The following LAMA2 variants were observed in gnomAD, a reference collection of about 807,000 sequenced individuals.
LAMA2 encodes laminin subunit alpha 2.
Under a neutral mutation model 364.8 loss-of-function variants are expected in LAMA2, and 269 were observed. The ratio of observed to expected loss-of-function variants is 0.74; its 90% CI spans 0.67 to 0.82. LAMA2 has a LOEUF of 0.82. Among genes scored for constraint, LAMA2 ranks in the 40% least tolerant of loss-of-function variants. The probability of loss-of-function intolerance (pLI) is 0.00; values close to 1 mark genes in which losing one functional copy is unlikely to be tolerated. For missense variants in LAMA2, 3,807 were observed against 3,873.2 expected, an observed-to-expected ratio of 0.98 and a Z score of 0.45; for synonymous variants, 1,379 against 1,370.6, an observed-to-expected ratio of 1.01 and a Z score of -0.14.
chr6:129,119,977 C>A (rs1329045696), intron 4 of LAMA2, among the ~76,000 whole-genome samples: 1 of 152,070 alleles, frequency 6.6e-6, no homozygotes, highest in East Asian at 1.9e-4. Flanking sequence ...CTAGTTATAC[C>A]CATGATATGA....
At chr6:129,296,952 G>A (rs945550756) in intron 20 of LAMA2, among the ~76,000 whole-genome samples, 6 of 152,208 alleles carry the variant, frequency 3.9e-5, no homozygotes, top group African/African-American at 9.6e-5. Flanking sequence ...AAACTTGACC[G>A]TAAAAGATGA....
At chr6:129,034,452 G>GT (rs1208978876) in intron 1 of LAMA2, among the ~76,000 whole-genome samples, 21 of 151,152 alleles carry the variant, frequency 1.4e-4, no homozygotes, top group African/African-American at 2.2e-4. Context: ...TATCATGACA[G>GT]TTTTTTTTTC....
rs775825512 is a variant in LAMA2, at chr6:129,440,913, C to A, written c.6183C>A (p.Asn2061Lys). The stretch of plus-strand genomic sequence containing the variant: ...CACAGATTACAGAGCTCCACCAGAA[C>A]CTCGATGGCCTGAAGAAGAATTACA... Reference protein sequence around the residue: ...VLAQITELHQNLDGLKKNYNK... With the variant: ...VLAQITELHQKLDGLKKNYNK... The change falls in exon 43 of 65, where the codon AAC (asparagine) becomes AAA (lysine). Residue 2061 changes from asparagine (N) to lysine (K), a missense_variant. Asn to Lys is a moderately conservative substitution (Grantham distance 94). Transcript: ENST00000421865. 19 of 1,613,952 alleles carry A rather than the reference C, an allele frequency of 1.2e-5. No homozygotes were observed. The highest frequency in any genetic ancestry group is 1.6e-5 in the Non-Finnish European group (19 of 1,179,884).
intron 22 of LAMA2, among the ~76,000 whole-genome samples, chr6:129,308,310 G>A (rs1774004093): frequency 1.3e-5 from 2 of 152,106 alleles, no homozygotes; most frequent in South Asian, 4.1e-4. Flanking sequence ...TCAAATCCAA[G>A]CATCCACCAT....
intron 1 of LAMA2, among the ~76,000 whole-genome samples, chr6:128,913,683 C>G (rs1163887933): frequency 6.6e-6 from 1 of 152,096 alleles, no homozygotes; most frequent in African/African-American, 2.4e-5. Flanking sequence ...GCAATCAGAG[C>G]TAAGCTTTCA....
intron 3 of LAMA2, among the ~76,000 whole-genome samples, chr6:129,074,349 T>C (rs1422370161): frequency 6.6e-6 from 1 of 152,232 alleles, no homozygotes; most frequent in Non-Finnish European, 1.5e-5. Context: ...GTCCCTCACA[T>C]CCTAGCTGAC....
chr6:129,116,891 G>A (rs960424167), intron 4 of LAMA2, among the ~76,000 whole-genome samples: 6 of 151,974 alleles, frequency 3.9e-5, no homozygotes, highest in Admixed American at 3.9e-4. Flanking sequence ...ACCACTGCAT[G>A]TTAAAGAAGT....
intron 34 of LAMA2, among the ~76,000 whole-genome samples, chr6:129,372,144 C>T (rs1778124598): frequency 6.6e-6 from 1 of 152,182 alleles, no homozygotes; most frequent in South Asian, 2.1e-4. Flanking sequence ...CCTAAGTTGA[C>T]ACCTCCTCAT....
chr6:129,382,401 A>G (rs945695359), intron 34 of LAMA2, among the ~76,000 whole-genome samples: 54 of 152,206 alleles, frequency 3.5e-4, no homozygotes, highest in African/African-American at 1.3e-3. Flanking sequence ...AGTGTGTCAA[A>G]TGATATTTTA....
intron 37 of LAMA2, among the ~76,000 whole-genome samples, chr6:129,396,794 G>A (rs1353651269): frequency 6.6e-6 from 1 of 151,974 alleles, no homozygotes; most frequent in African/African-American, 2.4e-5. Flanking sequence ...TGAGCAACAT[G>A]GTGACACCCT....
chr6:129,247,189 C>T (rs547211003), intron 12 of LAMA2, among the ~76,000 whole-genome samples: 18 of 152,256 alleles, frequency 1.2e-4, no homozygotes, highest in Admixed American at 3.3e-4. Context: ...GTGGCTCACA[C>T]CTGTAATCCC....
intron 5 of LAMA2, among the ~76,000 whole-genome samples, chr6:129,146,204 G>A (rs1214695343): frequency 2.6e-5 from 4 of 151,638 alleles, no homozygotes; most frequent in South Asian, 4.2e-4. Context: ...ACTATCTAAC[G>A]CTAAGATGAT....
chr6:129,222,423 A>G (rs1783921078), intron 12 of LAMA2, among the ~76,000 whole-genome samples: 1 of 151,562 alleles, frequency 6.6e-6, no homozygotes, highest in Non-Finnish European at 1.5e-5. Context: ...TACATGTGCC[A>G]TGTTGGTGTG....
chr6:128,886,364 T>G (rs1165906597), intron 1 of LAMA2, among the ~76,000 whole-genome samples: 1 of 152,086 alleles, frequency 6.6e-6, no homozygotes, highest in African/African-American at 2.4e-5. Flanking sequence ...GGAATGAATA[T>G]GAAGACAGGA....
intron 1 of LAMA2, among the ~76,000 whole-genome samples, chr6:128,988,172 G>C (rs1017080388): frequency 6.6e-6 from 1 of 152,120 alleles, no homozygotes; most frequent in African/African-American, 2.4e-5. Flanking sequence ...GGCCTAGCAT[G>C]TAGTTTTTAA....
intron 10 of LAMA2, among the ~76,000 whole-genome samples, chr6:129,188,638 T>TAG: frequency 6.6e-6 from 1 of 152,086 alleles, no homozygotes; most frequent in Non-Finnish European, 1.5e-5. Flanking sequence ...GTTTTGCTGA[T>TAG]ATCTATCATT....
At chr6:129,431,923 T>G (rs1781616546) in intron 41 of LAMA2, among the ~76,000 whole-genome samples, 1 of 152,232 alleles carries the variant, frequency 6.6e-6, no homozygotes, top group South Asian at 2.1e-4. Flanking sequence ...GTTATTATTT[T>G]ATATTTTAAA....
chr6:129,040,712 A>C (rs1787027232), intron 1 of LAMA2, among the ~76,000 whole-genome samples: 2 of 152,122 alleles, frequency 1.3e-5, no homozygotes, highest in South Asian at 4.1e-4. Flanking sequence ...TTCAGGAGGC[A>C]GAAGAAGGCT....
chr6:129,227,196 A>G (rs1266829324), intron 12 of LAMA2, among the ~76,000 whole-genome samples: 1 of 151,900 alleles, frequency 6.6e-6, no homozygotes, highest in Non-Finnish European at 1.5e-5. Flanking sequence ...TCATTTAAGG[A>G]CTTCTCTACA....
Sources: allele counts gnomAD v4.1 joint callset (sites outside exome capture counted in the v4.1 genomes callset), GRCh38; gene constraint gnomAD v4.1.1; transcripts MANE v1.5; gene names NCBI Gene and HGNC (gene_info 2026-07-23, HGNC 2026-07-21).